The following PRKN variants were observed in gnomAD, a reference collection of about 807,000 sequenced individuals.
PRKN encodes the protein E3 ubiquitin-protein ligase parkin.
Under a neutral mutation model 59.5 loss-of-function variants are expected in PRKN, and 56 were observed. The observed-to-expected ratio is 0.94, with a 90% CI of 0.76 to 1.18. The LOEUF (loss-of-function observed/expected upper bound fraction) is 1.18, where lower values mean the gene tolerates loss of function less well. PRKN is among the 50% of genes most tolerant of loss of function. The pLI, the probability that PRKN is intolerant of heterozygous loss-of-function variation, is 0.00. For synonymous variants in PRKN, 250 were observed against 222.1 expected (o/e 1.13, Z -1.12); for missense variants, 657 against 596.4 (o/e 1.10, Z -1.06).
chr6:161,388,714 G>C lies in PRKN; in HGVS notation c.1084-1837C>G, dbSNP rs567762262. Among the ~76,000 whole-genome samples the C allele has an allele frequency of 6.6e-6, 1 of 152,304 alleles. No homozygotes were observed. Among genetic ancestry groups the C allele is most frequent in the African/African-American group, 2.4e-5 (1 of 41,566 alleles). ...AACCAGAAGCTTCCATTTCCTGTTGGGACACTTGCTCTTGAAGCCCAGCTG... is the reference window on the plus strand; with the variant it reads ...AACCAGAAGCTTCCATTTCCTGTTGCGACACTTGCTCTTGAAGCCCAGCTG... On this transcript the variant is annotated intron_variant, in intron 9 of 11. Coordinates refer to ENST00000366898, the MANE Select transcript of PRKN (RefSeq NM_004562.3). This position sits in a 1 kb window ranked among gnomAD's most constrained non-coding sequence, Gnocchi z 4.3.
Position 161,388,535 on chromosome 6 carries a change from G to C in PRKN, c.1084-1658C>G, listed in dbSNP as rs754283189. ...AGTATGGTGTGTGGATGATGGTGGT[G>C]GTCTTAGAGCATAGAGGCAAACTGA... On this transcript the variant is annotated intron_variant, in intron 9 of 11. Coordinates refer to ENST00000366898, the MANE Select transcript of PRKN (RefSeq NM_004562.3). The surrounding 1 kb of genome is among the most constrained non-coding windows in gnomAD (Gnocchi z 4.3). Among the ~76,000 whole-genome samples, 2 of 151,700 alleles carry C rather than the reference G, an allele frequency of 1.3e-5. No individual in the cohort carries two copies. Among genetic ancestry groups the C allele is most frequent in the Non-Finnish European group, 2.9e-5 (2 of 67,900 alleles).
chr6:162,134,001 C>T (rs904636737), intron 4 of PRKN, among the ~76,000 whole-genome samples: 11 of 152,048 alleles, frequency 7.2e-5, no homozygotes, highest in African/African-American at 2.7e-4. Flanking sequence ...AGGTTATTTA[C>T]GAAATAATGT....
rs79752410 is a variant in PRKN, at chr6:162,443,275, C to T, written c.171+35G>A. On this transcript the variant is annotated intron_variant, in intron 2 of 11. Transcript: ENST00000366898. ...CAGGCGGCATGAGCAATGGAGCTGGCGGCATCCCAAGAACGGCCGCCAAGG... is the reference window on the plus strand; with the variant it reads ...CAGGCGGCATGAGCAATGGAGCTGGTGGCATCCCAAGAACGGCCGCCAAGG... The T allele has an allele frequency of 5.4e-3, 8,724 of 1,608,576 alleles. 45 individuals are homozygous for T. The highest frequency in any genetic ancestry group is 0.01 in the Middle Eastern group (46 of 4,436).
At chr6:162,591,794 T>C (rs977817083) in intron 1 of PRKN, among the ~76,000 whole-genome samples, 2 of 151,034 alleles carry the variant, frequency 1.3e-5, no homozygotes, top group Non-Finnish European at 2.9e-5. Context: ...AATAAGTAAG[T>C]AATAATAATC....
intron 10 of PRKN, among the ~76,000 whole-genome samples, chr6:161,383,868 C>T (rs1254569277): frequency 6.6e-6 from 1 of 152,236 alleles, no homozygotes; most frequent in African/African-American, 2.4e-5. Flanking sequence ...AACATGGCAG[C>T]AAAGACCCCA....
In PRKN at chr6:162,532,351, C is replaced by T. The variant is rs534455862; in HGVS notation, c.8-88878G>A. Among the ~76,000 whole-genome samples the T allele has an allele frequency of 1.1e-4, 16 of 152,354 alleles. No individual in the cohort carries two copies. The South Asian group carries it at 3.1e-3, about 30-fold the overall frequency. On this transcript the variant is annotated intron_variant, in intron 1 of 11. Coordinates refer to ENST00000366898, the MANE Select transcript of PRKN (RefSeq NM_004562.3). ...CAGAGCTAAGTCTACATCACGGAGA[C>T]GTGAGCACACATCTCATAGTGCACA...
intron 3 of PRKN, among the ~76,000 whole-genome samples, chr6:162,203,140 T>G (rs1325009684): frequency 6.6e-6 from 1 of 152,168 alleles, no homozygotes; most frequent in Non-Finnish European, 1.5e-5. Context: ...TCTCTCTCCC[T>G]TAAGGCAATA....
chr6:161,881,328 C>T (rs369196261), intron 6 of PRKN, among the ~76,000 whole-genome samples: 2 of 152,082 alleles, frequency 1.3e-5, no homozygotes, highest in African/African-American at 4.8e-5. Context: ...TTTTTCTTTG[C>T]GGGAGAGGTG....
Position 161,401,384 on chromosome 6 carries a change from G to A in PRKN, c.1084-14507C>T, listed in dbSNP as rs1400164809. Among the ~76,000 whole-genome samples the A allele has an allele frequency of 6.6e-6, 1 of 152,134 alleles. No homozygotes were observed. The highest frequency in any genetic ancestry group is 1.9e-4 in the East Asian group (1 of 5,180). On this transcript the variant is annotated intron_variant, in intron 9 of 11. Coordinates refer to ENST00000366898, the MANE Select transcript of PRKN (RefSeq NM_004562.3). This position sits in a 1 kb window ranked among gnomAD's most constrained non-coding sequence, Gnocchi z 4.4. ...CCAGCACTTTGGGAAGCCAAGGTGG[G>A]CAGATCACCTGAGGTTAGGAGTTTG... is the stretch of plus-strand genomic sequence containing the variant.
chr6:162,007,383 G>A (rs1399585650), intron 5 of PRKN, among the ~76,000 whole-genome samples: 2 of 152,114 alleles, frequency 1.3e-5, no homozygotes, highest in Non-Finnish European at 2.9e-5. Context: ...CACATTTCAG[G>A]CAAGAAATCA....
At chr6:162,351,233 A>G (rs1172465070) in intron 2 of PRKN, among the ~76,000 whole-genome samples, 1 of 152,132 alleles carries the variant, frequency 6.6e-6, no homozygotes, top group African/African-American at 2.4e-5. Flanking sequence ...TAAAAAGTGG[A>G]AAATGAAGAA....
At chr6:162,285,756 A>G (rs1781159868) in intron 2 of PRKN, among the ~76,000 whole-genome samples, 1 of 152,138 alleles carries the variant, frequency 6.6e-6, no homozygotes, top group Non-Finnish European at 1.5e-5. Flanking sequence ...AAATTCCTTA[A>G]CATTTAGGGT....
At chr6:161,819,689 T>C (rs1583205125) in intron 6 of PRKN, among the ~76,000 whole-genome samples, 1 of 152,092 alleles carries the variant, frequency 6.6e-6, no homozygotes. Flanking sequence ...AGTACAATAG[T>C]GCTATTAAAA....
chr6:162,490,310 A>C (rs1792748198), intron 1 of PRKN, among the ~76,000 whole-genome samples: 1 of 152,226 alleles, frequency 6.6e-6, no homozygotes, highest in African/African-American at 2.4e-5. Flanking sequence ...TTTACTTCTA[A>C]ACCACCAGGA....
At chr6:162,117,584 C>T (rs1423328351) in intron 4 of PRKN, among the ~76,000 whole-genome samples, 3 of 152,178 alleles carry the variant, frequency 2.0e-5, no homozygotes, top group Non-Finnish European at 2.9e-5. Flanking sequence ...CTGACCAGCT[C>T]TTGAGATGGT....
chr6:161,793,366 G>T (rs2128208555), intron 6 of PRKN, among the ~76,000 whole-genome samples: 1 of 152,120 alleles, frequency 6.6e-6, no homozygotes, highest in African/African-American at 2.4e-5. Flanking sequence ...GTTTTATCCA[G>T]TCCACTCTGC....
chr6:161,832,970 T>C (rs1168288026), intron 6 of PRKN, among the ~76,000 whole-genome samples: 1 of 151,926 alleles, frequency 6.6e-6, no homozygotes, highest in Admixed American at 6.6e-5. Flanking sequence ...CCCCGGCCGA[T>C]TGAGGAGCAG....
At chr6:162,507,232 T>C (rs913591060) in intron 1 of PRKN, among the ~76,000 whole-genome samples, 1 of 152,138 alleles carries the variant, frequency 6.6e-6, no homozygotes, top group Non-Finnish European at 1.5e-5. Context: ...ATTTCCACTA[T>C]GCTGGCTCCC....
chr6:161,570,911 A>G (rs140985338), intron 7 of PRKN, among the ~76,000 whole-genome samples: 1 of 152,234 alleles, frequency 6.6e-6, no homozygotes, highest in East Asian at 1.9e-4. Context: ...TTTTCAATAG[A>G]ACTATTCCTC....
Sources: allele counts gnomAD v4.1 joint callset (sites outside exome capture counted in the v4.1 genomes callset), GRCh38; gene constraint gnomAD v4.1.1; non-coding constraint Gnocchi (gnomAD v3.1); transcripts MANE v1.5; gene names NCBI Gene and HGNC (gene_info 2026-07-23, HGNC 2026-07-21).